HYCC2: variants seen among roughly 807,000 people sequenced by gnomAD.
HYCC2 encodes the protein hyccin PI4KA lipid kinase complex subunit 2, also known as hyccin 2.
the HYCC2 span, among the ~76,000 whole-genome samples, chr2:201,002,027 T>C: frequency 6.6e-6 from 1 of 151,394 alleles, no homozygotes; most frequent in Non-Finnish European, 1.5e-5. Context: ...AAAAAATAAA[T>C]GTAAAGTCAA....
chr2:201,034,915 T>G, the HYCC2 span, among the ~76,000 whole-genome samples: 2 of 152,186 alleles, frequency 1.3e-5, no homozygotes, highest in African/African-American at 4.8e-5. Context: ...TCTTTAAGAA[T>G]GTTGAATATT....
the HYCC2 span, among the ~76,000 whole-genome samples, chr2:201,053,592 C>T: frequency 6.6e-6 from 1 of 152,130 alleles, no homozygotes; most frequent in Admixed American, 6.5e-5. Context: ...CCAGCACTAC[C>T]CAACAAATGT....
the HYCC2 span, chr2:200,974,245 A>G: frequency 2.0e-5 from 3 of 151,958 alleles, no homozygotes; most frequent in Admixed American, 2.0e-4. Context: ...TACATTCCAT[A>G]TCCTTTTATG....
the HYCC2 span, among the ~76,000 whole-genome samples, chr2:201,062,918 C>T: frequency 6.7e-6 from 1 of 150,326 alleles, no homozygotes; most frequent in Non-Finnish European, 1.5e-5. Context: ...TAGTGAGAGG[C>T]CTACTGAGAG....
At chr2:200,997,152 G>A in the HYCC2 span, 1 of 223,020 alleles carries the variant, frequency 4.5e-6, no homozygotes, top group East Asian at 1.0e-4. Flanking sequence ...CTACTTGGGA[G>A]GCCCAGGCGG....
At chr2:201,046,425 G>GC in the HYCC2 span, among the ~76,000 whole-genome samples, 1 of 152,090 alleles carries the variant, frequency 6.6e-6, no homozygotes, top group Non-Finnish European at 1.5e-5. Flanking sequence ...TTCTGCAGTG[G>GC]GGGGGAAGAA....
At chr2:200,995,307 G>A in the HYCC2 span, among the ~76,000 whole-genome samples, 2 of 152,136 alleles carry the variant, frequency 1.3e-5, no homozygotes, top group South Asian at 4.1e-4. Flanking sequence ...TAACAAAATA[G>A]CATGTGACCT....
At chr2:201,057,735 A>G in the HYCC2 span, among the ~76,000 whole-genome samples, 3 of 152,270 alleles carry the variant, frequency 2.0e-5, no homozygotes, top group South Asian at 6.2e-4. Context: ...GGAAAAAAAA[A>G]AACTTAGGCC....
At chr2:201,000,432 T>C in the HYCC2 span, among the ~76,000 whole-genome samples, 1 of 152,064 alleles carries the variant, frequency 6.6e-6, no homozygotes, top group Non-Finnish European at 1.5e-5. Context: ...TATTTAGCTT[T>C]GGGGAAAAAA....
chr2:201,055,494 T>A, the HYCC2 span, among the ~76,000 whole-genome samples: 1 of 149,748 alleles, frequency 6.7e-6, no homozygotes, highest in South Asian at 2.1e-4. Flanking sequence ...AGCCCAGGAG[T>A]TTGAGACCAG....
the HYCC2 span, among the ~76,000 whole-genome samples, chr2:200,990,727 G>A: frequency 3.3e-5 from 5 of 151,974 alleles, no homozygotes; most frequent in Admixed American, 1.3e-4. Flanking sequence ...GCCCGCCACC[G>A]CGCCCAGCTA....
chr2:201,024,279 C>T, the HYCC2 span, among the ~76,000 whole-genome samples: 2 of 151,890 alleles, frequency 1.3e-5, no homozygotes, highest in African/African-American at 2.4e-5. Context: ...CACTTGAGCT[C>T]GGAGTTCAAG....
chr2:201,045,045 G>C, the HYCC2 span, among the ~76,000 whole-genome samples: 1 of 152,160 alleles, frequency 6.6e-6, no homozygotes, highest in African/African-American at 2.4e-5. Flanking sequence ...ATATTTCAAG[G>C]TGTAAGTCTA....
the HYCC2 span, among the ~76,000 whole-genome samples, chr2:200,999,189 G>T: frequency 6.6e-6 from 1 of 152,142 alleles, no homozygotes; most frequent in Non-Finnish European, 1.5e-5. Flanking sequence ...AAGACTTAAA[G>T]ATATGGACTT....
At chr2:201,030,754 T>C in the HYCC2 span, among the ~76,000 whole-genome samples, 1 of 152,100 alleles carries the variant, frequency 6.6e-6, no homozygotes. Flanking sequence ...AATTTTTGTA[T>C]TTTTAGTAGA....
At chr2:201,007,189 A>G in the HYCC2 span, among the ~76,000 whole-genome samples, 1 of 152,214 alleles carries the variant, frequency 6.6e-6, no homozygotes, top group Non-Finnish European at 1.5e-5. Context: ...TGTATAATAA[A>G]TACAGGTGTT....
the HYCC2 span, among the ~76,000 whole-genome samples, chr2:201,007,255 A>G: frequency 0.22 from 32,830 of 152,064 alleles, 4,372 homozygotes; most frequent in African/African-American, 0.37. Context: ...CGAAAATATC[A>G]TAAGTCAAAA....
At chr2:201,030,246 G>C in the HYCC2 span, among the ~76,000 whole-genome samples, 1 of 151,962 alleles carries the variant, frequency 6.6e-6, no homozygotes, top group African/African-American at 2.4e-5. Flanking sequence ...AAATTAAAAA[G>C]CCATACCTGC....
At chr2:201,000,322 C>T in the HYCC2 span, among the ~76,000 whole-genome samples, 2 of 145,836 alleles carry the variant, frequency 1.4e-5, no homozygotes, top group Non-Finnish European at 3.0e-5. Context: ...TTCTAGGGTG[C>T]AGGCTGCAGT....
Sources: allele counts gnomAD v4.1 joint callset (sites outside exome capture counted in the v4.1 genomes callset), GRCh38; gene constraint gnomAD v4.1.1; transcripts MANE v1.5; gene names NCBI Gene and HGNC (gene_info 2026-07-23, HGNC 2026-07-21).